RALYL: variants seen among roughly 807,000 people sequenced by gnomAD.
RALYL encodes RNA-binding Raly-like protein.
Under a neutral mutation model 35.1 loss-of-function variants are expected in RALYL, and 29 were observed. The ratio of observed to expected loss-of-function variants is 0.83; its 90% CI spans 0.61 to 1.13. RALYL has a LOEUF of 1.13. Ranked by LOEUF, RALYL falls within the 50% of genes most tolerant of loss-of-function variation. The pLI, the probability that RALYL is intolerant of heterozygous loss-of-function variation, is 0.00. For missense variants in RALYL, 359 were observed against 360.4 expected, an observed-to-expected ratio of 1.00 and a Z score of 0.03; for synonymous variants, 120 against 127.6, an observed-to-expected ratio of 0.94 and a Z score of 0.40.
intron 1 of RALYL, among the ~76,000 whole-genome samples, chr8:84,382,018 C>A (rs865937416): frequency 1.4e-4 from 21 of 150,714 alleles, no homozygotes; most frequent in Admixed American, 2.0e-4. Flanking sequence ...TTATTTGATC[C>A]CTCCAAGTTA....
chr8:84,520,401 C>CT (rs1351542653), intron 1 of RALYL, among the ~76,000 whole-genome samples: 2 of 152,152 alleles, frequency 1.3e-5, no homozygotes, highest in Non-Finnish European at 1.5e-5. Flanking sequence ...ATGAATACTT[C>CT]TTAGTGATAC....
intron 3 of RALYL, among the ~76,000 whole-genome samples, chr8:84,783,980 G>A (rs2634046): frequency 0.33 from 50,075 of 152,004 alleles, 9,898 homozygotes; most frequent in African/African-American, 0.56. Flanking sequence ...ATCATTCTGT[G>A]TTTTTCTTCT....
At chr8:84,626,717 T>C (rs903425355) in intron 2 of RALYL, among the ~76,000 whole-genome samples, 2 of 152,330 alleles carry the variant, frequency 1.3e-5, no homozygotes, top group Non-Finnish European at 2.9e-5. Context: ...TTGTTAAGTC[T>C]GAATCAAATT....
intron 1 of RALYL, among the ~76,000 whole-genome samples, chr8:84,408,276 C>A (rs918148468): frequency 7.2e-5 from 11 of 151,892 alleles, no homozygotes; most frequent in Non-Finnish European, 1.2e-4. Flanking sequence ...ACTTTAATTA[C>A]CCCATATTTT....
At chr8:84,605,887 A>G (rs1377478170) in intron 2 of RALYL, among the ~76,000 whole-genome samples, 1 of 152,080 alleles carries the variant, frequency 6.6e-6, no homozygotes, top group Non-Finnish European at 1.5e-5. Flanking sequence ...ATTTCCATTG[A>G]AATGCCCCTG....
intron 1 of RALYL, among the ~76,000 whole-genome samples, chr8:84,491,561 AAG>A (rs1387898527): frequency 6.6e-6 from 1 of 151,922 alleles, no homozygotes; most frequent in East Asian, 1.9e-4. Flanking sequence ...CTAATGTTTC[AAG>A]AGTCAGCCTG....
At chr8:84,716,059 C>T (rs915268100) in intron 2 of RALYL, among the ~76,000 whole-genome samples, 10 of 152,094 alleles carry the variant, frequency 6.6e-5, no homozygotes, top group African/African-American at 9.7e-5. Context: ...TCATATTAGA[C>T]GATTCTTTTG....
intron 1 of RALYL, among the ~76,000 whole-genome samples, chr8:84,325,854 G>A (rs1845697328): frequency 6.6e-6 from 1 of 152,170 alleles, no homozygotes; most frequent in South Asian, 2.1e-4. Context: ...AATAGGCTGG[G>A]TGCAGTGGCT....
At chr8:84,534,266 T>A (rs976368709) in intron 2 of RALYL, among the ~76,000 whole-genome samples, 2 of 152,226 alleles carry the variant, frequency 1.3e-5, no homozygotes, top group Admixed American at 1.3e-4. Flanking sequence ...CCTATGAAGC[T>A]CTGCACCACC....
chr8:84,234,788 G>T (rs1346721588), intron 1 of RALYL, among the ~76,000 whole-genome samples: 2 of 146,804 alleles, frequency 1.4e-5, no homozygotes, highest in African/African-American at 2.5e-5. Flanking sequence ...TTTTTGAGAT[G>T]GAGTCTCGCT....
intron 1 of RALYL, among the ~76,000 whole-genome samples, chr8:84,216,239 C>A (rs923414981): frequency 2.6e-5 from 4 of 151,672 alleles, no homozygotes; most frequent in African/African-American, 9.7e-5. Context: ...AAATGTTTTG[C>A]AAAATTATAC....
intron 1 of RALYL, among the ~76,000 whole-genome samples, chr8:84,338,731 A>G (rs148945003): frequency 6.6e-6 from 1 of 152,190 alleles, no homozygotes; most frequent in East Asian, 1.9e-4. Flanking sequence ...AAGAGTTCTG[A>G]TACTAACACA....
At chr8:84,486,119 T>TATAAAATGCAC (rs2054590680) in intron 1 of RALYL, among the ~76,000 whole-genome samples, 1 of 150,566 alleles carries the variant, frequency 6.6e-6, no homozygotes, top group South Asian at 2.1e-4. Flanking sequence ...AGCAGCAGTG[T>TATAAAATGCAC]ACCTAGTGTG....
chr8:84,759,771 TTCA>T (rs1308317880), intron 2 of RALYL, among the ~76,000 whole-genome samples: 1 of 152,228 alleles, frequency 6.6e-6, no homozygotes, highest in Non-Finnish European at 1.5e-5. Flanking sequence ...AATTGATTAT[TTCA>T]TCTTCTCTGT....
Position 84,235,361 on chromosome 8 carries a change from C to T in RALYL, c.-24+50937C>T, listed in dbSNP as rs866540206. Reference sequence around the variant, plus strand: ...AGACATAGATATTCATTATCAGCTTCCCCTCTTCCACAATAAGATTTGAAA... The same window carrying T: ...AGACATAGATATTCATTATCAGCTTTCCCTCTTCCACAATAAGATTTGAAA... On this transcript the variant is annotated intron_variant, in intron 1 of 8. Coordinates refer to ENST00000521268, the MANE Select transcript of RALYL (RefSeq NM_173848.7). 9.9e-4 allele frequency among the ~76,000 whole-genome samples: 151 copies of T among 152,292 alleles called. 2 individuals are homozygous for T. Among genetic ancestry groups the T allele is most frequent in the Non-Finnish European group, 8.7e-4 (59 of 68,004 alleles).
intron 2 of RALYL, among the ~76,000 whole-genome samples, chr8:84,681,134 C>G (rs532842479): frequency 6.6e-6 from 1 of 152,208 alleles, no homozygotes; most frequent in South Asian, 2.1e-4. Context: ...TTGATTTTGT[C>G]AGGTTTGTCA....
intron 1 of RALYL, among the ~76,000 whole-genome samples, chr8:84,515,698 G>C (rs930577557): frequency 6.6e-6 from 1 of 151,834 alleles, no homozygotes; most frequent in African/African-American, 2.4e-5. Context: ...TGCATGTATA[G>C]TACAAAAAAA....
At chr8:84,786,605 T>C in intron 3 of RALYL, among the ~76,000 whole-genome samples, 1 of 152,206 alleles carries the variant, frequency 6.6e-6, no homozygotes, top group Non-Finnish European at 1.5e-5. Context: ...TTCCATGTGT[T>C]CGCTGGCTGC....
At chr8:84,852,317 C>G (rs919355318) in intron 5 of RALYL, among the ~76,000 whole-genome samples, 1 of 152,080 alleles carries the variant, frequency 6.6e-6, no homozygotes, top group African/African-American at 2.4e-5. Flanking sequence ...TTTCTCAAAG[C>G]ATTTTATAAT....
Sources: allele counts gnomAD v4.1 joint callset (sites outside exome capture counted in the v4.1 genomes callset), GRCh38; gene constraint gnomAD v4.1.1; transcripts MANE v1.5; gene names NCBI Gene and HGNC (gene_info 2026-07-23, HGNC 2026-07-21).